The following EIF2AK1 variants were observed in gnomAD, a reference collection of about 807,000 sequenced individuals.
The protein encoded by EIF2AK1 is eukaryotic translation initiation factor 2-alpha kinase 1.
In EIF2AK1, 54 loss-of-function variants were observed where a neutral mutation model predicts 77.9. The observed-to-expected ratio is 0.69, with a 90% CI of 0.56 to 0.87. The LOEUF is 0.87. EIF2AK1 is among the 40% of genes least tolerant of loss of function. The pLI, the probability that EIF2AK1 is intolerant of heterozygous loss-of-function variation, is 0.00. For synonymous variants in EIF2AK1, 314 were observed against 290.5 expected (o/e 1.08, Z -0.82); for missense variants, 810 against 768.6 (o/e 1.05, Z -0.64).
In EIF2AK1 at chr7:6,032,011, TA is replaced by T. The variant is rs1199641519; in HGVS notation, c.1333-2980del. Among the ~76,000 whole-genome samples, 6 of 152,078 alleles carry T rather than the reference TA, an allele frequency of 3.9e-5. No individual in the cohort carries two copies. Among genetic ancestry groups the T allele is most frequent in the Non-Finnish European group, 8.8e-5 (6 of 68,026 alleles). ...CAGCAGGGCAAAACCCCGTCTCTAC[TA>T]AAAATACAAAAATTAGCCGGGCTTG... On this transcript the variant is annotated intron_variant, in intron 11 of 14. Coordinates refer to ENST00000199389, the MANE Select transcript of EIF2AK1 (RefSeq NM_014413.4). This position sits in a 1 kb window ranked among gnomAD's most constrained non-coding sequence, Gnocchi z 4.3.
chr7:6,051,770 C>A (rs1487465623), intron 2 of EIF2AK1, among the ~76,000 whole-genome samples: 1 of 151,894 alleles, frequency 6.6e-6, no homozygotes, highest in Non-Finnish European at 1.5e-5. Flanking sequence ...GTTATGAAAG[C>A]CACATTTGTT....
At position 6,038,642 on chromosome 7, in the gene EIF2AK1, C is replaced by T. The variant is rs1025660699; in HGVS notation, c.1149G>A (p.Gln383=). The T allele has an allele frequency of 1.2e-6, 2 of 1,613,046 alleles. No individual in the cohort carries two copies. Among genetic ancestry groups the T allele is most frequent in the Admixed American group, 1.7e-5 (1 of 59,876 alleles). ...EAQYHLMLHI[Q]MQLCELSLWD... ...ACAGCGAGAGCTCACACAGCTGCAT[C>T]TGGATGTGCAGCATCAGGTGGTACT... The change falls in exon 10 of 15, where the codon CAG becomes CAA. Residue 383 remains glutamine, a synonymous_variant. Coordinates refer to ENST00000199389, the MANE Select transcript of EIF2AK1 (RefSeq NM_014413.4).
chr7:6,059,119 G>A lies in EIF2AK1; in HGVS notation c.-36C>T. The A allele has an allele frequency of 2.3e-6, 3 of 1,311,548 alleles. No homozygotes were observed. The highest frequency in any genetic ancestry group is 2.9e-6 in the Non-Finnish European group (3 of 1,019,002). The allele number at this position is 1,311,548 out of a possible 1,614,324, so 81.2% of individuals were successfully genotyped here. The stretch of plus-strand genomic sequence containing the variant: ...GCGCGGGCCGCAGCCCAGCCCGCCG[G>A]CCAGCCCAGCACTGCCACACTCCGA... On this transcript the variant is annotated 5_prime_UTR_variant, in exon 1 of 15. Coordinates refer to ENST00000199389, the MANE Select transcript of EIF2AK1 (RefSeq NM_014413.4).
chr7:6,049,149 A>C (rs1788528934), intron 3 of EIF2AK1, among the ~76,000 whole-genome samples: 1 of 152,126 alleles, frequency 6.6e-6, no homozygotes, highest in Non-Finnish European at 1.5e-5. Flanking sequence ...GTGCCCCCTC[A>C]GTCCATTCGC....
chr7:6,029,080 T>C (rs377273795), intron 11 of EIF2AK1, 48 bp from the exon 12 acceptor site: 47 of 1,402,604 alleles, frequency 3.4e-5, no homozygotes, highest in African/African-American at 2.6e-4. Context: ...TTAAAACAAA[T>C]AGTAATATCT....
chr7:6,041,422 G>C (rs1351681272), intron 8 of EIF2AK1, among the ~76,000 whole-genome samples: 1 of 151,796 alleles, frequency 6.6e-6, no homozygotes, highest in African/African-American at 2.4e-5. Flanking sequence ...GCCTGTAATC[G>C]CAGCTACTGG....
Position 6,028,933 on chromosome 7 carries a change from T to C in EIF2AK1, c.1432A>G (p.Asn478Asp), listed in dbSNP as rs1463196290. ...AAAAACTTACTCTTCCCGTTTCTGT[T>C]GGTCCAGTCTGTGTTCTTCTGTAGG... Reference protein sequence around the residue: ...DILQKNTDWTNRNGKRTPTHT... With the variant: ...DILQKNTDWTDRNGKRTPTHT... The change falls in exon 12 of 15, where the codon AAC becomes GAC. Residue 478 changes from asparagine to aspartate, a missense_variant. Around this residue, in one of 3 missense-constraint regions of EIF2AK1, gnomAD observed 549 missense variants for 533.7 expected, o/e 1.03. Coordinates refer to ENST00000199389, the MANE Select transcript of EIF2AK1 (RefSeq NM_014413.4). 6.3e-7 allele frequency: 1 copy of C among 1,598,628 alleles called. No individual in the cohort carries two copies. The highest frequency in any genetic ancestry group is 1.4e-5 in the African/African-American group (1 of 73,762).
intron 7 of EIF2AK1, among the ~76,000 whole-genome samples, 193 bp downstream of exon 7, chr7:6,044,369 G>A (rs1180466266): frequency 2.0e-5 from 3 of 152,026 alleles, no homozygotes; most frequent in African/African-American, 7.2e-5. Context: ...TACTCAGGAG[G>A]CTGAGGCAGA....
rs1788438455 is a variant in EIF2AK1 at position 6,046,126 on chromosome 7, TACTG to T, written c.571_574del (p.Gln191IlefsTer4). On this transcript the variant is annotated frameshift_variant, in exon 6 of 15. Transcript: ENST00000199389. LOFTEE classifies it high-confidence loss of function. The stretch of plus-strand genomic sequence containing the variant: ...AATCAGGATTTTTTTTATTGCATAA[TACTG>T]ACCATCTAATTTATTCCTGACCTGA... The T allele has an allele frequency of 6.4e-7, 1 of 1,569,086 alleles. No homozygotes were observed. Among genetic ancestry groups the T allele is most frequent in the Non-Finnish European group, 8.6e-7 (1 of 1,159,104 alleles).
In EIF2AK1 at chr7:6,022,366, T is replaced by G. The variant is rs1787487757; in HGVS notation, c.*2307A>C. 1 of 152,194 alleles carries G rather than the reference T, an allele frequency of 6.6e-6. No homozygotes were observed. Among genetic ancestry groups the G allele is most frequent in the Non-Finnish European group, 1.5e-5 (1 of 68,032 alleles). 9.4% of individuals were successfully genotyped at this position (152,194 alleles called of 1,614,324 possible). Reference sequence around the variant, plus strand: ...CTTCCCATGAATAGTAGGCTATTAGTGCTTAAGTTTTGAAGGAGTCAGAAG... The same window carrying G: ...CTTCCCATGAATAGTAGGCTATTAGGGCTTAAGTTTTGAAGGAGTCAGAAG... On this transcript the variant is annotated 3_prime_UTR_variant, in exon 15 of 15. Coordinates refer to ENST00000199389, the MANE Select transcript of EIF2AK1 (RefSeq NM_014413.4).
At chr7:6,031,298 C>A in intron 11 of EIF2AK1, 1 of 1,347,316 alleles carries the variant, frequency 7.4e-7, no homozygotes, top group Non-Finnish European at 1.0e-6. Context: ...TAGAACTGAA[C>A]TGAAAGAATC....
In EIF2AK1 at chr7:6,039,395, G is replaced by T. The variant is rs187767863; in HGVS notation, c.1120-724C>A. Among the ~76,000 whole-genome samples, 18 of 152,082 alleles carry T rather than the reference G, an allele frequency of 1.2e-4. No individual in the cohort carries two copies. The East Asian group carries it at 3.5e-3, about 29-fold the overall frequency. On this transcript the variant is annotated intron_variant, in intron 9 of 14. Transcript: ENST00000199389. ...CCAGCATCTTGGAAGGCCAAGGCAG[G>T]TGGATCACGAGGTCAGGAGTTCAAG...
intron 5 of EIF2AK1, 41 bp downstream of exon 5, chr7:6,046,951 T>C (rs376460365): frequency 4.0e-5 from 58 of 1,454,912 alleles, no homozygotes; most frequent in Non-Finnish European, 5.2e-5. Flanking sequence ...AAAACACAAT[T>C]ATTTAGGGTA....
chr7:6,024,179 G>A lies in EIF2AK1; in HGVS notation c.*494C>T. On this transcript the variant is annotated 3_prime_UTR_variant, in exon 15 of 15. Transcript: ENST00000199389. ...ACACTGTACACTGTTAAGAAGTTGA[G>A]CTTTTATCTTAGAGGCAGCAGAAGG... 1.6e-6 allele frequency: 2 copies of A among 1,266,268 alleles called. No homozygotes were observed. The highest frequency in any genetic ancestry group is 3.1e-5 in the African/African-American group (2 of 65,118). 78.4% of individuals were successfully genotyped at this position (1,266,268 alleles called of 1,614,324 possible).
rs1443733885 is a variant in EIF2AK1 at position 6,041,084 on chromosome 7, G to A, written c.927C>T (p.Thr309=). The change falls in exon 9 of 15, where the codon ACC becomes ACT. Residue 309 remains threonine, a synonymous_variant. Coordinates refer to ENST00000199389, the MANE Select transcript of EIF2AK1 (RefSeq NM_014413.4). ...NQNNKSVKYT[T]NLVIRESGEL... ...CACCAGATTCTCTTATGACTAAATT[G>A]GTGGTGTACTTCACCGACTTGTTAT... 3 of 1,613,900 alleles carry A rather than the reference G, an allele frequency of 1.9e-6. No individual in the cohort carries two copies. The East Asian group carries it at 6.7e-5, about 36-fold the overall frequency.
intron 11 of EIF2AK1, among the ~76,000 whole-genome samples, chr7:6,037,076 T>C (rs1788121295): frequency 6.6e-6 from 1 of 151,808 alleles, no homozygotes; most frequent in African/African-American, 2.4e-5. Context: ...AAAAAAAATT[T>C]AAAAATTAGC....
chr7:6,045,863 T>C (rs972105409), intron 6 of EIF2AK1, among the ~76,000 whole-genome samples: 7 of 151,588 alleles, frequency 4.6e-5, no homozygotes, highest in African/African-American at 1.7e-4. Context: ...CACGCCACTT[T>C]ACTCCAACCT....
intron 2 of EIF2AK1, among the ~76,000 whole-genome samples, chr7:6,051,271 T>C (rs1019244633): frequency 6.8e-6 from 1 of 148,026 alleles, no homozygotes; most frequent in Non-Finnish European, 1.5e-5. Flanking sequence ...TTTTTTTTCT[T>C]TCTTTTTTTT....
chr7:6,052,430 C>T (rs2128891714), intron 2 of EIF2AK1, among the ~76,000 whole-genome samples: 1 of 151,680 alleles, frequency 6.6e-6, no homozygotes. Context: ...GTATTATTTG[C>T]TTTATTCAAG....
Sources: allele counts gnomAD v4.1 joint callset (sites outside exome capture counted in the v4.1 genomes callset), GRCh38; gene constraint gnomAD v4.1.1; regional missense constraint gnomAD v4.1.1; non-coding constraint Gnocchi (gnomAD v3.1); transcripts MANE v1.5; gene names NCBI Gene and HGNC (gene_info 2026-07-23, HGNC 2026-07-21).